The following GRIK1 variants were observed in gnomAD, a reference collection of about 807,000 sequenced individuals.
The protein encoded by GRIK1 is glutamate receptor ionotropic, kainate 1.
A neutral mutation model predicts 105.7 loss-of-function variants in GRIK1; 69 were observed. The ratio of observed to expected loss-of-function variants is 0.65; its 90% CI spans 0.54 to 0.80. The LOEUF (loss-of-function observed/expected upper bound fraction) is 0.80, where lower values mean the gene tolerates loss of function less well. Ranked by LOEUF, GRIK1 falls within the 30% of genes least tolerant of loss-of-function variation. The pLI, the probability that GRIK1 is intolerant of heterozygous loss-of-function variation, is 0.00. For missense variants in GRIK1, 1,109 were observed against 1,167.3 expected (o/e 0.95, Z 0.73); for synonymous variants, 438 against 431.3 (o/e 1.02, Z -0.19).
At chr21:29,769,730 C>A (rs2065766941) in intron 1 of GRIK1, among the ~76,000 whole-genome samples, 1 of 152,068 alleles carries the variant, frequency 6.6e-6, no homozygotes, top group Non-Finnish European at 1.5e-5. Context: ...ATACACAAGC[C>A]AAGGAATACC....
intron 1 of GRIK1, among the ~76,000 whole-genome samples, chr21:29,719,195 T>C (rs1367914159): frequency 6.6e-6 from 1 of 151,000 alleles, no homozygotes. Context: ...TAATTTTATC[T>C]AGAAAAAATA....
chr21:29,914,539 A>T (rs577444094), intron 1 of GRIK1, among the ~76,000 whole-genome samples: 1 of 152,218 alleles, frequency 6.6e-6, no homozygotes, highest in Admixed American at 6.5e-5. Flanking sequence ...TGCTATGCCA[A>T]TCCTGACCTA....
intron 1 of GRIK1, among the ~76,000 whole-genome samples, chr21:29,791,233 G>A (rs16984990): frequency 0.025 from 3,804 of 152,140 alleles, 144 homozygotes; most frequent in African/African-American, 0.087. Flanking sequence ...TCAGTGTGAT[G>A]GAAAGCCAGA....
chr21:29,633,088 T>A (rs2146491249), intron 7 of GRIK1, among the ~76,000 whole-genome samples: 1 of 152,320 alleles, frequency 6.6e-6, no homozygotes, highest in African/African-American at 2.4e-5. Flanking sequence ...CTGGAGGGAA[T>A]TAGCTAGGCC....
chr21:29,550,093 GAA>G (rs1274130642), intron 16 of GRIK1, among the ~76,000 whole-genome samples: 1 of 81,238 alleles, frequency 1.2e-5, no homozygotes, highest in Admixed American at 1.9e-4. Context: ...GGGCGACAGA[GAA>G]AGACTCCATC....
At chr21:29,914,562 T>C (rs2070929313) in intron 1 of GRIK1, among the ~76,000 whole-genome samples, 1 of 152,090 alleles carries the variant, frequency 6.6e-6, no homozygotes. Context: ...AACCATGGTA[T>C]TCATTGGCTT....
chr21:29,865,205 G>A (rs1165608641), intron 1 of GRIK1, among the ~76,000 whole-genome samples: 1 of 152,084 alleles, frequency 6.6e-6, no homozygotes, highest in Admixed American at 6.6e-5. Context: ...TGTTATAGTA[G>A]CACCATGATT....
intron 5 of GRIK1, among the ~76,000 whole-genome samples, chr21:29,654,449 A>G (rs1350170962): frequency 6.6e-6 from 1 of 152,182 alleles, no homozygotes; most frequent in African/African-American, 2.4e-5. Context: ...CAAATCAATG[A>G]ATGCCAGACA....
chr21:29,700,385 C>A (rs537251333), intron 1 of GRIK1, among the ~76,000 whole-genome samples: 4 of 152,240 alleles, frequency 2.6e-5, no homozygotes, highest in African/African-American at 7.2e-5. Flanking sequence ...ACTGCTGGGT[C>A]AACAACATAA....
intron 6 of GRIK1, among the ~76,000 whole-genome samples, chr21:29,649,182 A>T (rs1214693902): frequency 6.6e-6 from 1 of 152,176 alleles, no homozygotes; most frequent in Admixed American, 6.5e-5. Flanking sequence ...TCTTTGGATA[A>T]AAAAAGGTAA....
chr21:29,648,307 G>A (rs2062658036), intron 6 of GRIK1, among the ~76,000 whole-genome samples: 1 of 152,046 alleles, frequency 6.6e-6, no homozygotes, highest in Admixed American at 6.6e-5. Context: ...TATAGTAGTA[G>A]CATTATTTAA....
chr21:29,647,066 G>A (rs1224860413), intron 6 of GRIK1, among the ~76,000 whole-genome samples: 9 of 152,208 alleles, frequency 5.9e-5, no homozygotes, highest in East Asian at 1.9e-4. Context: ...GGCTGGTCTC[G>A]AACTCCTGAC....
At chr21:29,622,532 G>A (rs527759101) in intron 7 of GRIK1, among the ~76,000 whole-genome samples, 1 of 152,186 alleles carries the variant, frequency 6.6e-6, no homozygotes, top group Non-Finnish European at 1.5e-5. Flanking sequence ...GTCTACAAGA[G>A]CCTGCTGGTT....
intron 7 of GRIK1, among the ~76,000 whole-genome samples, chr21:29,633,435 T>G (rs1287376208): frequency 2.0e-5 from 3 of 151,952 alleles, no homozygotes; most frequent in African/African-American, 7.3e-5. Flanking sequence ...GAGGCAGAGA[T>G]TGCAGTGAAC....
rs151069958 is a variant in GRIK1, at chr21:29,568,589, A to G, written c.2131-6740T>C. On this transcript the variant is annotated intron_variant, in intron 14 of 17. Coordinates refer to ENST00000327783, the MANE Select transcript of GRIK1 (RefSeq NM_001330994.2). Reference sequence around the variant, plus strand: ...CCAAGTCATTTTAGACTGAATCACAATTTAATCTGTGTAATCCTCTGGCTT... The same window carrying G: ...CCAAGTCATTTTAGACTGAATCACAGTTTAATCTGTGTAATCCTCTGGCTT... Among the ~76,000 whole-genome samples, 13 of 152,326 alleles carry G rather than the reference A, an allele frequency of 8.5e-5. No individual in the cohort carries two copies. In the East Asian group the frequency reaches 9.6e-4, roughly 11 times the overall value.
chr21:29,923,215 G>A (rs1281539474), intron 1 of GRIK1, among the ~76,000 whole-genome samples: 1 of 152,170 alleles, frequency 6.6e-6, no homozygotes, highest in Non-Finnish European at 1.5e-5. Flanking sequence ...AAAGGCCCTA[G>A]AGAAGTTCTT....
At chr21:29,916,293 C>T (rs1250452796) in intron 1 of GRIK1, among the ~76,000 whole-genome samples, 2 of 151,534 alleles carry the variant, frequency 1.3e-5, no homozygotes, top group Admixed American at 6.6e-5. Flanking sequence ...TCATACACCC[C>T]TGGGCACAGA....
intron 1 of GRIK1, among the ~76,000 whole-genome samples, chr21:29,820,056 A>T (rs1417050072): frequency 1.3e-5 from 2 of 152,122 alleles, no homozygotes; most frequent in Non-Finnish European, 2.9e-5. Flanking sequence ...TGAAAAAAAA[A>T]AATTAACAGC....
chr21:29,650,435 AG>A (rs1337593280), intron 6 of GRIK1, among the ~76,000 whole-genome samples: 1 of 152,206 alleles, frequency 6.6e-6, no homozygotes, highest in Non-Finnish European at 1.5e-5. Context: ...TATTTTCTTC[AG>A]CACCCAGGGA....
Sources: allele counts gnomAD v4.1 joint callset (sites outside exome capture counted in the v4.1 genomes callset), GRCh38; gene constraint gnomAD v4.1.1; transcripts MANE v1.5; gene names NCBI Gene and HGNC (gene_info 2026-07-23, HGNC 2026-07-21).